The following FBXL17 variants were observed in gnomAD, a reference collection of about 807,000 sequenced individuals.
The protein encoded by FBXL17 is F-box and leucine rich repeat protein 17.
In FBXL17, 22 loss-of-function variants were observed where a neutral mutation model predicts 66.2. The observed-to-expected ratio is 0.33, with a 90% CI of 0.24 to 0.47. The LOEUF (loss-of-function observed/expected upper bound fraction) is 0.47, where lower values mean the gene tolerates loss of function less well. FBXL17 is among the 20% of genes least tolerant of loss of function. FBXL17 has a pLI of 1.00. For synonymous variants in FBXL17, 474 were observed against 400.5 expected, an observed-to-expected ratio of 1.18 and a Z score of -2.19; for missense variants, 878 against 948.2, an observed-to-expected ratio of 0.93 and a Z score of 0.97.
chr5:108,257,204 C>A (rs1286687424), intron 4 of FBXL17, among the ~76,000 whole-genome samples: 1 of 152,142 alleles, frequency 6.6e-6, no homozygotes, highest in Non-Finnish European at 1.5e-5. Flanking sequence ...CAAAGACAGA[C>A]AGATCCAATA....
At chr5:108,349,512 A>C (rs1747506856) in intron 3 of FBXL17, among the ~76,000 whole-genome samples, 1 of 152,194 alleles carries the variant, frequency 6.6e-6, no homozygotes, top group African/African-American at 2.4e-5. Context: ...GGGTGGTGAT[A>C]GATATAAACT....
intron 6 of FBXL17, among the ~76,000 whole-genome samples, chr5:108,156,006 GTAGCTTTAA>G (rs1751983538): frequency 6.6e-6 from 1 of 152,060 alleles, no homozygotes; most frequent in South Asian, 2.1e-4. Context: ...ACACTAAAAT[GTAGCTTTAA>G]TTTTAATTTC....
At chr5:107,878,546 T>G in intron 8 of FBXL17, 1 of 940,828 alleles carries the variant, frequency 1.1e-6, no homozygotes, top group African/African-American at 1.8e-5. Flanking sequence ...AAAGCCCAGA[T>G]CTGAACCTGA....
intron 7 of FBXL17, among the ~76,000 whole-genome samples, chr5:107,883,338 C>T (rs1748855685): frequency 6.6e-6 from 1 of 152,126 alleles, no homozygotes; most frequent in African/African-American, 2.4e-5. Flanking sequence ...CCAGCAGAAT[C>T]ATGGGGCAAG....
intron 6 of FBXL17, among the ~76,000 whole-genome samples, chr5:108,086,317 A>T (rs1441927122): frequency 6.6e-6 from 1 of 152,196 alleles, no homozygotes; most frequent in African/African-American, 2.4e-5. Context: ...ATCTAAACAG[A>T]CAGGCCTTGG....
chr5:107,909,656 C>G (rs1749884249), intron 7 of FBXL17, among the ~76,000 whole-genome samples: 1 of 152,066 alleles, frequency 6.6e-6, no homozygotes, highest in South Asian at 2.1e-4. Flanking sequence ...AGGGATTTTT[C>G]AAGAAAACAT....
intron 6 of FBXL17, among the ~76,000 whole-genome samples, chr5:108,023,125 C>G (rs545833402): frequency 6.6e-6 from 1 of 152,108 alleles, no homozygotes; most frequent in Non-Finnish European, 1.5e-5. Flanking sequence ...TTCTGCTGTT[C>G]TTGAAAGTTC....
intron 4 of FBXL17, among the ~76,000 whole-genome samples, chr5:108,231,806 C>A (rs923845584): frequency 1.3e-5 from 2 of 152,160 alleles, no homozygotes; most frequent in African/African-American, 2.4e-5. Flanking sequence ...CACAGGAGAT[C>A]CATACAGGAT....
intron 4 of FBXL17, among the ~76,000 whole-genome samples, chr5:108,338,352 A>G (rs958854149): frequency 3.3e-5 from 5 of 152,154 alleles, no homozygotes; most frequent in African/African-American, 9.7e-5. Flanking sequence ...GTTCAGTAAG[A>G]AGGACTCGGA....
Position 108,028,791 on chromosome 5 carries a change from C to A in FBXL17, c.1746-7790G>T, listed in dbSNP as rs529494808. Among the ~76,000 whole-genome samples the A allele has an allele frequency of 1.7e-4, 26 of 152,178 alleles. 1 individual carries two copies. The highest frequency in any genetic ancestry group is 6.3e-4 in the African/African-American group (26 of 41,532). On this transcript the variant is annotated intron_variant, in intron 6 of 8. Transcript: ENST00000542267. ...CAAATTCTCAGAAGACTACAAAACA[C>A]AGGAGGTAAAGATAATTTATAAAAG...
At chr5:108,080,127 CATGA>C (rs1429318873) in intron 6 of FBXL17, among the ~76,000 whole-genome samples, 1 of 152,154 alleles carries the variant, frequency 6.6e-6, no homozygotes, top group Non-Finnish European at 1.5e-5. Flanking sequence ...GATGGAAACC[CATGA>C]ATATGAGTTA....
chr5:107,970,557 G>T (rs1339229360), intron 7 of FBXL17, among the ~76,000 whole-genome samples: 2 of 152,112 alleles, frequency 1.3e-5, no homozygotes, highest in African/African-American at 4.8e-5. Context: ...AGAAAGAAAA[G>T]GCCTGTTCTT....
In FBXL17 at chr5:108,348,446, T is replaced by C. The variant is rs1160139242; in HGVS notation, c.1459A>G (p.Lys487Glu). The change falls in exon 4 of 9, where the codon AAG becomes GAG. Residue 487 changes from lysine (K) to glutamate (E), a missense_variant. This residue lies in a region of FBXL17 where 236 missense variants were observed against 389.1 expected (regional missense o/e 0.61). Coordinates refer to ENST00000542267, the MANE Select transcript of FBXL17 (RefSeq NM_001163315.3). ...ISDEGMIVIA[K>E]GCLKLQRIYM... The stretch of plus-strand genomic sequence containing the variant: ...ATCCTTTGTAATTTCAGACAGCCCT[T>C]AGCTATGACGATCATGCCTTCATCT... 1.2e-6 allele frequency: 2 copies of C among 1,613,658 alleles called. No homozygotes were observed. Among genetic ancestry groups the C allele is most frequent in the South Asian group, 1.1e-5 (1 of 91,074 alleles).
Position 108,381,774 on chromosome 5 carries a change from C to A in FBXL17, c.-83G>T. ...GCTCCCGGCAGCGGGGCAGGCCGCT[C>A]GCTGGCTCGGCCCCCGGAGGGGTCG... On this transcript the variant is annotated 5_prime_UTR_variant, in exon 1 of 9. Transcript: ENST00000542267. 1 of 1,365,046 alleles carries A rather than the reference C, an allele frequency of 7.3e-7. No individual in the cohort carries two copies. 84.6% of individuals were successfully genotyped at this position (1,365,046 alleles called of 1,614,324 possible).
rs141282497 is a variant in FBXL17 at position 108,233,704 on chromosome 5, T to C, written c.1507-9476A>G. 2.0e-4 allele frequency among the ~76,000 whole-genome samples: 31 copies of C among 152,270 alleles called. 1 individual carries two copies. In the Middle Eastern group the frequency reaches 0.01, roughly 50 times the overall value. ...ATGAAATGGATGTAGGCACGTTTAG[T>C]GTTACACCAGGAAAAGCACTGGTGA... On this transcript the variant is annotated intron_variant, in intron 4 of 8. Transcript: ENST00000542267.
intron 4 of FBXL17, among the ~76,000 whole-genome samples, chr5:108,290,291 T>C (rs1758059179): frequency 6.6e-6 from 1 of 152,120 alleles, no homozygotes; most frequent in Non-Finnish European, 1.5e-5. Flanking sequence ...TGTTAGCACA[T>C]ATAGTTCAGG....
chr5:108,187,425 T>C (rs1467221904), intron 5 of FBXL17, among the ~76,000 whole-genome samples: 1 of 152,166 alleles, frequency 6.6e-6, no homozygotes, highest in Non-Finnish European at 1.5e-5. Context: ...GATCTCAAGA[T>C]GGGGAGATTA....
intron 7 of FBXL17, among the ~76,000 whole-genome samples, chr5:107,939,167 G>A (rs1751010718): frequency 6.6e-6 from 1 of 152,022 alleles, no homozygotes; most frequent in Non-Finnish European, 1.5e-5. Flanking sequence ...CATATGATGT[G>A]CCAGGTATTA....
intron 7 of FBXL17, among the ~76,000 whole-genome samples, chr5:107,976,785 C>T (rs1752595396): frequency 6.6e-6 from 1 of 151,926 alleles, no homozygotes; most frequent in African/African-American, 2.4e-5. Flanking sequence ...ATATAACAGA[C>T]TTCAATATAT....
Sources: allele counts gnomAD v4.1 joint callset (sites outside exome capture counted in the v4.1 genomes callset), GRCh38; gene constraint gnomAD v4.1.1; regional missense constraint gnomAD v4.1.1; transcripts MANE v1.5; gene names NCBI Gene and HGNC (gene_info 2026-07-23, HGNC 2026-07-21).